ASAP1: variants seen among roughly 807,000 people sequenced by gnomAD.
ASAP1 encodes ArfGAP with SH3 domain, ankyrin repeat and PH domain 1.
ASAP1 carries 43 observed loss-of-function variants against 145.2 expected under a neutral mutation model. The observed-to-expected ratio is 0.30, with a 90% CI of 0.23 to 0.38. The LOEUF (loss-of-function observed/expected upper bound fraction) is 0.38. ASAP1 is among the 10% of genes least tolerant of loss of function. The pLI is 1.00. For synonymous variants in ASAP1, 546 were observed against 515.5 expected (o/e 1.06, Z -0.80); for missense variants, 1,018 against 1,355.3 (o/e 0.75, Z 3.91).
intron 2 of ASAP1, among the ~76,000 whole-genome samples, chr8:130,359,127 C>T (rs983260351): frequency 3.3e-5 from 5 of 152,138 alleles, no homozygotes; most frequent in African/African-American, 4.8e-5. Flanking sequence ...TGTGCAGTTG[C>T]CTTAGGTCGC....
intron 3 of ASAP1, among the ~76,000 whole-genome samples, chr8:130,259,414 C>A (rs1205519872): frequency 6.6e-6 from 1 of 152,138 alleles, no homozygotes; most frequent in Non-Finnish European, 1.5e-5. Flanking sequence ...TCACTTTAAA[C>A]CCTTGCCAGG....
At chr8:130,192,545 T>G (rs1468475691) in intron 5 of ASAP1, among the ~76,000 whole-genome samples, 1 of 152,174 alleles carries the variant, frequency 6.6e-6, no homozygotes, top group East Asian at 1.9e-4. Flanking sequence ...CCTAGCATCC[T>G]CCTATCCTAT....
intron 17 of ASAP1, among the ~76,000 whole-genome samples, chr8:130,125,060 A>C (rs1358344122): frequency 6.6e-6 from 1 of 152,208 alleles, no homozygotes; most frequent in Admixed American, 6.5e-5. Flanking sequence ...CTGGGTCACT[A>C]ACTGCCCTTT....
At chr8:130,195,379 G>GGAA (rs765252769) in intron 5 of ASAP1, 2 of 75,788 alleles carry the variant, frequency 2.6e-5, no homozygotes, top group African/African-American at 5.0e-5. Flanking sequence ...ATCTCTTTAG[G>GGAA]AAAAAAAAAA....
At position 130,443,579 on chromosome 8, in the gene ASAP1, G is replaced by A. The variant is rs140254755; in HGVS notation, c.-147C>T. On this transcript the variant is annotated 5_prime_UTR_variant, in exon 1 of 30. Coordinates refer to ENST00000518721, the MANE Select transcript of ASAP1 (RefSeq NM_018482.4). ...CCGGCTGGGCGGGAGGCGCGGGCCC[G>A]GGGCTGCCCAGCGCACAGTGCTCGC... is the stretch of plus-strand genomic sequence containing the variant. The A allele has an allele frequency of 0.032, 4,801 of 150,978 alleles. 89 individuals are homozygous for A. The highest frequency in any genetic ancestry group is 0.057 in the African/African-American group (2,359 of 41,392). 9.4% of individuals were successfully genotyped at this position (150,978 alleles called of 1,614,324 possible). A position where few individuals can be genotyped will look rare whatever the true frequency, so the allele number is the denominator to read the frequency against.
intron 20 of ASAP1, 31 bp downstream of exon 20, chr8:130,118,130 G>A: frequency 1.9e-6 from 3 of 1,578,880 alleles, no homozygotes; most frequent in Non-Finnish European, 2.6e-6. Flanking sequence ...GGCATATTCA[G>A]GTAATTCAAC....
intron 3 of ASAP1, among the ~76,000 whole-genome samples, chr8:130,333,499 G>A (rs1824829144): frequency 2.6e-5 from 4 of 152,220 alleles, no homozygotes; most frequent in Admixed American, 2.6e-4. Flanking sequence ...AGCTACTTGG[G>A]AGGCTGAGGC....
chr8:130,079,087 C>T (rs1592751284), intron 26 of ASAP1, among the ~76,000 whole-genome samples: 1 of 152,152 alleles, frequency 6.6e-6, no homozygotes, highest in African/African-American at 2.4e-5. Flanking sequence ...TCCAGCTACT[C>T]GGGAGGCTGA....
intron 27 of ASAP1, among the ~76,000 whole-genome samples, chr8:130,063,831 T>C (rs1157461388): frequency 6.6e-6 from 1 of 152,086 alleles, no homozygotes; most frequent in African/African-American, 2.4e-5. Context: ...TTCAGGCACT[T>C]GGGACACAGC....
At chr8:130,376,408 T>C (rs971600060) in intron 2 of ASAP1, among the ~76,000 whole-genome samples, 4 of 150,970 alleles carry the variant, frequency 2.6e-5, no homozygotes, top group Non-Finnish European at 5.9e-5. Context: ...AAGAAGAGCA[T>C]GGCATTTATA....
chr8:130,152,298 T>A (rs929691050), intron 13 of ASAP1, among the ~76,000 whole-genome samples: 8 of 152,216 alleles, frequency 5.3e-5, no homozygotes, highest in Non-Finnish European at 8.8e-5. Flanking sequence ...CTCTGCATCT[T>A]TAAGAACTGA....
At chr8:130,109,556 C>T (rs1303418157) in intron 24 of ASAP1, among the ~76,000 whole-genome samples, 2 of 152,010 alleles carry the variant, frequency 1.3e-5, no homozygotes, top group Non-Finnish European at 1.5e-5. Flanking sequence ...GAGACCTCTG[C>T]TTTATTTGTC....
At chr8:130,192,122 A>C (rs1358834440) in intron 5 of ASAP1, among the ~76,000 whole-genome samples, 1 of 152,146 alleles carries the variant, frequency 6.6e-6, no homozygotes, top group Non-Finnish European at 1.5e-5. Context: ...GCCAACAATC[A>C]CACACCAACA....
intron 3 of ASAP1, among the ~76,000 whole-genome samples, chr8:130,325,642 C>T (rs141018655): frequency 5.9e-5 from 9 of 152,278 alleles, no homozygotes; most frequent in East Asian, 1.9e-4. Context: ...GACACTAATA[C>T]GTAAACAACT....
chr8:130,434,884 A>G (rs774503310), intron 1 of ASAP1, among the ~76,000 whole-genome samples: 1 of 152,162 alleles, frequency 6.6e-6, no homozygotes, highest in Non-Finnish European at 1.5e-5. Flanking sequence ...ACACCGAACA[A>G]TAGCCCCTTA....
At chr8:130,228,372 C>A (rs141240129) in intron 4 of ASAP1, among the ~76,000 whole-genome samples, 62 of 152,188 alleles carry the variant, frequency 4.1e-4, no homozygotes, top group African/African-American at 1.5e-3. Context: ...CACAGATGTG[C>A]TGGGTGCTCC....
At chr8:130,313,899 A>G (rs1823508429) in intron 3 of ASAP1, among the ~76,000 whole-genome samples, 1 of 152,158 alleles carries the variant, frequency 6.6e-6, no homozygotes, top group South Asian at 2.1e-4. Context: ...ACCACGTCCC[A>G]TGCTCTTCTC....
At chr8:130,237,414 G>C (rs1287151572) in intron 3 of ASAP1, among the ~76,000 whole-genome samples, 1 of 151,970 alleles carries the variant, frequency 6.6e-6, no homozygotes, top group Admixed American at 6.6e-5. Flanking sequence ...ATTTTAGCCA[G>C]AAAAACATTT....
chr8:130,243,581 C>T (rs1052551454), intron 3 of ASAP1, among the ~76,000 whole-genome samples: 7 of 152,154 alleles, frequency 4.6e-5, no homozygotes, highest in Non-Finnish European at 8.8e-5. Context: ...CCACACCCTC[C>T]ACTACTCATT....
Sources: gnomAD v4.1 joint callset for allele counts (sites outside exome capture counted in the v4.1 genomes callset) on GRCh38, gnomAD v4.1.1 for gene constraint, MANE v1.5 for transcripts, NCBI Gene and HGNC (gene_info 2026-07-23, HGNC 2026-07-21) for gene names.